The following TSPEAR variants were observed in gnomAD, a reference collection of about 807,000 sequenced individuals.
The protein encoded by TSPEAR is thrombospondin-type laminin G domain and EAR repeat-containing protein.
A neutral mutation model predicts 71.6 loss-of-function variants in TSPEAR; 69 were observed. The ratio of observed to expected loss-of-function variants is 0.96; its 90% CI spans 0.79 to 1.18. The LOEUF is 1.18. Among genes scored for constraint, TSPEAR ranks in the 50% most tolerant of loss-of-function variants. The pLI is 0.00. For missense variants in TSPEAR, 971 were observed against 894.9 expected, an observed-to-expected ratio of 1.09 and a Z score of -1.09; for synonymous variants, 402 against 387.2, an observed-to-expected ratio of 1.04 and a Z score of -0.45.
At chr21:44,579,062 G>C (rs1978677186) in intron 1 of TSPEAR, among the ~76,000 whole-genome samples, 1 of 152,178 alleles carries the variant, frequency 6.6e-6, no homozygotes, top group Non-Finnish European at 1.5e-5. Context: ...TGCTAAGCGG[G>C]CAGAACTCTC....
At chr21:44,709,738 G>A (rs1191476029) in intron 1 of TSPEAR, among the ~76,000 whole-genome samples, 2 of 152,266 alleles carry the variant, frequency 1.3e-5, no homozygotes, top group Non-Finnish European at 2.9e-5. Flanking sequence ...CCCACGCTAA[G>A]GCGGAATCCC....
chr21:44,673,264 G>C (rs1334390043), intron 1 of TSPEAR, among the ~76,000 whole-genome samples: 5 of 152,164 alleles, frequency 3.3e-5, no homozygotes, highest in Non-Finnish European at 7.3e-5. Context: ...AGTGCTGAAA[G>C]AAAGAAACTG....
intron 2 of TSPEAR, among the ~76,000 whole-genome samples, chr21:44,556,739 GAT>G (rs2053537450): frequency 6.6e-6 from 1 of 152,142 alleles, no homozygotes; most frequent in Non-Finnish European, 1.5e-5. Flanking sequence ...GAAACCTGTT[GAT>G]GAGATTGTTT....
chr21:44,675,994 G>A (rs1986295903), intron 1 of TSPEAR: 3 of 839,060 alleles, frequency 3.6e-6, no homozygotes, highest in Non-Finnish European at 6.3e-6. Flanking sequence ...CCACTTATCT[G>A]GATTCTCCCT....
chr21:44,612,009 A>T lies in TSPEAR; in HGVS notation c.83-44004T>A. On this transcript the variant is annotated intron_variant, in intron 1 of 11. Coordinates refer to ENST00000323084, the MANE Select transcript of TSPEAR (RefSeq NM_144991.3). The surrounding 1 kb of genome is among the most constrained non-coding windows in gnomAD (Gnocchi z 4.1). ...GGCTTGTGAGACTCCTGTGAGGAAA[A>T]TACCCAGGGAGGGTATAAAACCTCA... 7.5e-7 allele frequency: 1 copy of T among 1,333,340 alleles called. No homozygotes were observed. Among genetic ancestry groups the T allele is most frequent in the South Asian group, 1.3e-5 (1 of 75,276 alleles). The allele number at this position is 1,333,340 out of a possible 1,614,324, so 82.6% of individuals were successfully genotyped here. A position where few individuals can be genotyped will look rare whatever the true frequency, so the allele number is the denominator to read the frequency against.
In TSPEAR at chr21:44,540,656, C is replaced by T. The variant is rs141467698; in HGVS notation, c.304-6733G>A. ...AGAAGCACAGGATCACTGGAGCAGC[C>T]GGAGAGAAGGTGCAGCAGTGGCCAG... On this transcript the variant is annotated intron_variant, in intron 2 of 11. Transcript: ENST00000323084. Among the ~76,000 whole-genome samples the T allele has an allele frequency of 2.1e-3, 315 of 152,300 alleles. 5 individuals carry two copies. Among genetic ancestry groups the T allele is most frequent in the Middle Eastern group, 0.014 (4 of 294 alleles).
At chr21:44,674,772 G>GTT (rs1387018293) in intron 1 of TSPEAR, among the ~76,000 whole-genome samples, 7 of 147,232 alleles carry the variant, frequency 4.8e-5, no homozygotes, top group Non-Finnish European at 1.0e-4. Flanking sequence ...GTGTGTGTGT[G>GTT]TGTGTGTGTG....
intron 5 of TSPEAR, among the ~76,000 whole-genome samples, chr21:44,529,315 A>G (rs1253311467): frequency 2.0e-5 from 3 of 152,190 alleles, no homozygotes; most frequent in Non-Finnish European, 4.4e-5. Context: ...GAGAAAATCA[A>G]GCGGGGAGGC....
intron 2 of TSPEAR, among the ~76,000 whole-genome samples, chr21:44,541,265 A>C (rs1555917211): frequency 6.6e-6 from 1 of 152,244 alleles, no homozygotes; most frequent in Admixed American, 6.5e-5. Flanking sequence ...TGAAATAATA[A>C]ACTTTTTTGG....
chr21:44,676,753 T>G, intron 1 of TSPEAR: 1 of 802,654 alleles, frequency 1.2e-6, no homozygotes, highest in Non-Finnish European at 2.3e-6. Flanking sequence ...TCTGTCCTAT[T>G]CAGCCTGCAT....
At chr21:44,599,170 C>CTCTCTCTCTCTCTCTCAA (rs1555928004) in intron 1 of TSPEAR, among the ~76,000 whole-genome samples, 1 of 124,480 alleles carries the variant, frequency 8.0e-6, no homozygotes, top group Non-Finnish European at 1.6e-5. Flanking sequence ...CTCTCTCTCT[C>CTCTCTCTCTCTCTCTCAA]TCCTTCCATC....
intron 2 of TSPEAR, among the ~76,000 whole-genome samples, chr21:44,542,213 C>T (rs937863176): frequency 6.6e-6 from 1 of 151,712 alleles, no homozygotes; most frequent in African/African-American, 2.4e-5. Flanking sequence ...ATAGACAAAA[C>T]CAAAGAGAAG....
chr21:44,573,852 T>A, intron 1 of TSPEAR: 2 of 1,614,132 alleles, frequency 1.2e-6, no homozygotes. Context: ...GGTGGACGAC[T>A]GCCCAGAGAG....
At position 44,546,287 on chromosome 21, in the gene TSPEAR, T is replaced by C. The variant is rs2053302191; in HGVS notation, c.304-12364A>G. On this transcript the variant is annotated intron_variant, in intron 2 of 11. Transcript: ENST00000323084. The surrounding 1 kb of genome is among the most constrained non-coding windows in gnomAD (Gnocchi z 4.4). ...TTATTTCAGCCTGAATTAGCATTTC[T>C]TGTAAGGCAAGTCTATTGGCAATGA... Among the ~76,000 whole-genome samples the C allele has an allele frequency of 6.6e-6, 1 of 152,246 alleles. No individual in the cohort carries two copies. The highest frequency in any genetic ancestry group is 1.5e-5 in the Non-Finnish European group (1 of 68,044).
intron 1 of TSPEAR, among the ~76,000 whole-genome samples, chr21:44,614,856 G>A (rs1981968791): frequency 6.6e-6 from 1 of 152,202 alleles, no homozygotes; most frequent in Non-Finnish European, 1.5e-5. Flanking sequence ...AAACTCCCAG[G>A]AGGAAATAGG....
Position 44,509,226 on chromosome 21 carries a change from A to G in TSPEAR, c.1727T>C (p.Val576Ala), listed in dbSNP as rs1555912290. The change falls in exon 10 of 12, where the codon GTC (valine) becomes GCC (alanine). Residue 576 changes from valine to alanine, a missense_variant. By Grantham distance (64) the Val-to-Ala change is moderately conservative. Coordinates refer to ENST00000323084, the MANE Select transcript of TSPEAR (RefSeq NM_144991.3). The part of the protein sequence containing the change: ...YELNVTAQAF[V>A]KFQDILTCSA... ...GCAGGTGAGAATGTCCTGGAACTTG[A>G]CAAAGGCCTGCGCGGTCACGTTCAG... The G allele has an allele frequency of 1.2e-6, 2 of 1,614,018 alleles. No homozygotes were observed. The highest frequency in any genetic ancestry group is 1.7e-6 in the Non-Finnish European group (2 of 1,180,002).
At chr21:44,582,912 T>G (rs970461057) in intron 1 of TSPEAR, among the ~76,000 whole-genome samples, 6 of 152,076 alleles carry the variant, frequency 3.9e-5, no homozygotes, top group African/African-American at 1.4e-4. Context: ...AGGCCCCACC[T>G]CCCGGGTTCA....
Position 44,498,243 on chromosome 21 carries a change from TTTC to T in TSPEAR, c.*1537_*1539del, listed in dbSNP as rs1478263892. 2.4e-4 allele frequency: 37 copies of T among 152,318 alleles called. No homozygotes were observed. Among genetic ancestry groups the T allele is most frequent in the African/African-American group, 7.7e-4 (32 of 41,466 alleles). The allele number at this position is 152,318 out of a possible 1,614,324, so 9.4% of individuals were successfully genotyped here. A position where few individuals can be genotyped will look rare whatever the true frequency, so the allele number is the denominator to read the frequency against. ...CCTGCAGGACTCAGCTTTCAGCTTT[TTTC>T]TTCTTGGTTGAGTGAATTGGGGTGT... On this transcript the variant is annotated 3_prime_UTR_variant, in exon 12 of 12. Coordinates refer to ENST00000323084, the MANE Select transcript of TSPEAR (RefSeq NM_144991.3).
chr21:44,662,009 G>C (rs1276178218), intron 1 of TSPEAR, among the ~76,000 whole-genome samples: 1 of 152,076 alleles, frequency 6.6e-6, no homozygotes, highest in Non-Finnish European at 1.5e-5. Flanking sequence ...AGATATAAAA[G>C]GGAATAACTA....
Sources: gnomAD v4.1 joint callset for allele counts (sites outside exome capture counted in the v4.1 genomes callset) on GRCh38, gnomAD v4.1.1 for gene constraint, Gnocchi (gnomAD v3.1) non-coding constraint, MANE v1.5 for transcripts, NCBI Gene and HGNC (gene_info 2026-07-23, HGNC 2026-07-21) for gene names.